SLC35F1: variants seen among roughly 807,000 people sequenced by gnomAD.
SLC35F1 encodes solute carrier family 35 member F1.
In SLC35F1, 14 loss-of-function variants were observed where a neutral mutation model predicts 48.7. The ratio of observed to expected loss-of-function variants is 0.29; its 90% CI spans 0.19 to 0.45. The LOEUF is 0.45. Ranked by LOEUF, SLC35F1 falls within the 20% of genes least tolerant of loss-of-function variation. SLC35F1 has a pLI of 1.00. For synonymous variants in SLC35F1, 190 were observed against 202.2 expected (o/e 0.94, Z 0.51); for missense variants, 404 against 500.0 (o/e 0.81, Z 1.83).
At chr6:117,987,439 C>G (rs1202335147) in intron 1 of SLC35F1, among the ~76,000 whole-genome samples, 1 of 151,576 alleles carries the variant, frequency 6.6e-6, no homozygotes, top group Non-Finnish European at 1.5e-5. Context: ...TTCTCCGTCT[C>G]CTCCTCCCTT....
rs1323627927 is a variant in SLC35F1 at position 118,128,432 on chromosome 6, C to T, written c.174-26013C>T. ...AACCCAAATGTCCAACAATGATAGACTGGATTAAGAAAATGTGACACATAT... is the reference window on the plus strand; with the variant it reads ...AACCCAAATGTCCAACAATGATAGATTGGATTAAGAAAATGTGACACATAT... On this transcript the variant is annotated intron_variant, in intron 1 of 7. Coordinates refer to ENST00000360388, the MANE Select transcript of SLC35F1 (RefSeq NM_001029858.4). Among the ~76,000 whole-genome samples the T allele has an allele frequency of 1.1e-4, 16 of 150,476 alleles. No homozygotes were observed. In the East Asian group the frequency reaches 1.6e-3, roughly 15 times the overall value.
At chr6:117,989,818 G>GA (rs1338089394) in intron 1 of SLC35F1, among the ~76,000 whole-genome samples, 4 of 151,920 alleles carry the variant, frequency 2.6e-5, no homozygotes, top group Non-Finnish European at 5.9e-5. Flanking sequence ...TAAGAAAAGG[G>GA]AAAAAAACAA....
At chr6:118,300,943 A>G (rs553016898) in intron 7 of SLC35F1, among the ~76,000 whole-genome samples, 32 of 152,334 alleles carry the variant, frequency 2.1e-4, no homozygotes, top group African/African-American at 7.5e-4. Flanking sequence ...TCATGAAACC[A>G]GACATTCCAG....
chr6:118,182,871 A>G (rs938674076), intron 2 of SLC35F1, among the ~76,000 whole-genome samples: 2 of 152,216 alleles, frequency 1.3e-5, no homozygotes, highest in Admixed American at 6.5e-5. Context: ...ATCAAAGACT[A>G]TAATGTAAAA....
chr6:118,223,967 A>G (rs1206167906), intron 2 of SLC35F1, among the ~76,000 whole-genome samples: 1 of 152,224 alleles, frequency 6.6e-6, no homozygotes, highest in African/African-American at 2.4e-5. Context: ...AAAATTCACA[A>G]AACTGACAGA....
At chr6:118,275,946 A>G (rs1775913254) in intron 5 of SLC35F1, among the ~76,000 whole-genome samples, 7 of 152,206 alleles carry the variant, frequency 4.6e-5, no homozygotes. Flanking sequence ...AAATGCCCCA[A>G]TTCAATGCAT....
At chr6:118,025,078 C>T (rs1293716344) in intron 1 of SLC35F1, among the ~76,000 whole-genome samples, 1 of 152,156 alleles carries the variant, frequency 6.6e-6, no homozygotes, top group Non-Finnish European at 1.5e-5. Context: ...TAATGATACA[C>T]TATTATTAAC....
At chr6:117,961,365 G>C (rs1396597793) in intron 1 of SLC35F1, among the ~76,000 whole-genome samples, 1 of 152,188 alleles carries the variant, frequency 6.6e-6, no homozygotes, top group Non-Finnish European at 1.5e-5. Context: ...ATCTCTACAG[G>C]ATGGGAACAT....
At chr6:118,265,726 G>A (rs1775765299) in intron 3 of SLC35F1, among the ~76,000 whole-genome samples, 2 of 152,222 alleles carry the variant, frequency 1.3e-5, no homozygotes, top group African/African-American at 4.8e-5. Flanking sequence ...GTAATCAATA[G>A]GATATAGGCA....
intron 1 of SLC35F1, among the ~76,000 whole-genome samples, chr6:118,114,875 G>A (rs1162111933): frequency 6.6e-6 from 1 of 152,166 alleles, no homozygotes; most frequent in African/African-American, 2.4e-5. Context: ...GCAATGGGTT[G>A]TAACTTGAAG....
At position 118,174,519 on chromosome 6, in the gene SLC35F1, G is replaced by A. The variant is rs115693210; in HGVS notation, c.349+19899G>A. Among the ~76,000 whole-genome samples the A allele has an allele frequency of 3.1e-3, 473 of 152,030 alleles. 2 individuals carry two copies. Among genetic ancestry groups the A allele is most frequent in the African/African-American group, 0.011 (459 of 41,480 alleles). On this transcript the variant is annotated intron_variant, in intron 2 of 7. Transcript: ENST00000360388. ...TTAAAACAGAATAAAAAGGAGAGGA[G>A]AGGAAGAAAAACAGAATGGAATATC... is the stretch of plus-strand genomic sequence containing the variant.
chr6:118,167,802 A>G (rs543838887), intron 2 of SLC35F1, among the ~76,000 whole-genome samples: 1 of 152,294 alleles, frequency 6.6e-6, no homozygotes, highest in South Asian at 2.1e-4. Context: ...CTATGACATC[A>G]CTAGGCAGTA....
intron 1 of SLC35F1, among the ~76,000 whole-genome samples, chr6:117,990,052 A>G (rs1158012724): frequency 2.0e-5 from 3 of 152,154 alleles, no homozygotes; most frequent in Non-Finnish European, 4.4e-5. Context: ...CTGCTTGAAT[A>G]TCTGATTCCA....
rs116388341 is a variant in SLC35F1, at chr6:118,014,384, T to C, written c.173+106485T>C. 9.2e-3 allele frequency among the ~76,000 whole-genome samples: 1,402 copies of C among 152,206 alleles called. 29 individuals carry two copies. The highest frequency in any genetic ancestry group is 0.032 in the African/African-American group (1,317 of 41,528). ...GGGGCTCTTGATGGCCTGTGAGAAA[T>C]GGTGGGCTCTACATGGTTAAGAAAT... is the stretch of plus-strand genomic sequence containing the variant. On this transcript the variant is annotated intron_variant, in intron 1 of 7. Coordinates refer to ENST00000360388, the MANE Select transcript of SLC35F1 (RefSeq NM_001029858.4).
intron 1 of SLC35F1, among the ~76,000 whole-genome samples, chr6:117,994,187 ATT>A (rs1326773935): frequency 2.1e-5 from 3 of 141,044 alleles, no homozygotes; most frequent in Non-Finnish European, 4.6e-5. Flanking sequence ...GGCCACCTGC[ATT>A]TCTTATCACA....
In SLC35F1 at chr6:117,923,686, C is replaced by CAT. The variant is rs1554216712; in HGVS notation, c.173+15790_173+15791dup. Among the ~76,000 whole-genome samples, 11 of 65,318 alleles carry CAT rather than the reference C, an allele frequency of 1.7e-4. 1 individual carries two copies. Among genetic ancestry groups the CAT allele is most frequent in the African/African-American group, 4.5e-4 (10 of 22,436 alleles). 42.9% of individuals were successfully genotyped at this position (65,318 alleles called of 152,430 possible). ...ATATATACATATATGTACATATATA[C>CAT]ATATGTACATATACATATATGTACA... On this transcript the variant is annotated intron_variant, in intron 1 of 7. Transcript: ENST00000360388.
At chr6:117,944,586 TACACATACACACAC>T (rs1018981621) in intron 1 of SLC35F1, among the ~76,000 whole-genome samples, 31 of 146,388 alleles carry the variant, frequency 2.1e-4, no homozygotes, top group African/African-American at 6.9e-4. Context: ...AACACACACA[TACACATACACACAC>T]ACACACACAC....
chr6:118,056,289 A>G (rs1327834516), intron 1 of SLC35F1, among the ~76,000 whole-genome samples: 1 of 152,134 alleles, frequency 6.6e-6, no homozygotes, highest in Non-Finnish European at 1.5e-5. Context: ...TGTTTATTTC[A>G]TATCTTTTCA....
intron 1 of SLC35F1, among the ~76,000 whole-genome samples, chr6:118,099,558 G>T (rs1024286573): frequency 6.7e-6 from 1 of 150,142 alleles, no homozygotes; most frequent in Non-Finnish European, 1.5e-5. Flanking sequence ...TATACTCAGT[G>T]GTTACCACTG....
Sources: gnomAD v4.1 joint callset for allele counts (sites outside exome capture counted in the v4.1 genomes callset) on GRCh38, gnomAD v4.1.1 for gene constraint, MANE v1.5 for transcripts, NCBI Gene and HGNC (gene_info 2026-07-23, HGNC 2026-07-21) for gene names.